Variants in CALN1 observed in about 807,000 individuals in gnomAD.
CALN1 encodes calneuron 1.
In CALN1, 17 loss-of-function variants were observed where a neutral mutation model predicts 30.6. The observed-to-expected ratio is 0.56, with a 90% confidence interval of 0.38 to 0.83. The LOEUF (loss-of-function observed/expected upper bound fraction) is 0.83. Ranked by LOEUF, CALN1 falls within the 40% of genes least tolerant of loss-of-function variation. CALN1 has a pLI of 0.00. For synonymous variants in CALN1, 156 were observed against 131.4 expected, an observed-to-expected ratio of 1.19 and a Z score of -1.28; for missense variants, 291 against 354.9, an observed-to-expected ratio of 0.82 and a Z score of 1.45.
intron 2 of CALN1, among the ~76,000 whole-genome samples, chr7:72,292,694 G>C (rs1798571809): frequency 6.6e-6 from 1 of 150,948 alleles, no homozygotes. Context: ...GGTGGCGCAT[G>C]CTTGTAATCC....
intron 2 of CALN1, among the ~76,000 whole-genome samples, chr7:72,356,651 T>C (rs776445900): frequency 1.3e-5 from 2 of 152,098 alleles, no homozygotes; most frequent in South Asian, 4.1e-4. Flanking sequence ...AGGCTCAAAA[T>C]ATATAAAGCA....
intron 3 of CALN1, among the ~76,000 whole-genome samples, chr7:72,262,206 C>G (rs1406085596): frequency 2.0e-5 from 3 of 152,204 alleles, no homozygotes; most frequent in Non-Finnish European, 4.4e-5. Context: ...GACACATCTA[C>G]TAACTTTAAA....
At chr7:72,424,800 T>C (rs1046027879) in intron 1 of CALN1, among the ~76,000 whole-genome samples, 2 of 152,146 alleles carry the variant, frequency 1.3e-5, no homozygotes, top group Non-Finnish European at 2.9e-5. Context: ...TTTTGCTATG[T>C]TGACCAGACT....
chr7:72,382,882 G>A (rs955558944), intron 2 of CALN1, among the ~76,000 whole-genome samples: 3 of 152,054 alleles, frequency 2.0e-5, no homozygotes, highest in Non-Finnish European at 2.9e-5. Context: ...TCCACCTCCC[G>A]GGTTCAAGCA....
chr7:72,211,318 G>A (rs1019542024), intron 3 of CALN1, among the ~76,000 whole-genome samples: 1 of 152,056 alleles, frequency 6.6e-6, no homozygotes, highest in African/African-American at 2.4e-5. Flanking sequence ...TGCTTTTGCT[G>A]TAACTCTTCC....
chr7:71,990,842 G>C (rs1798909833), intron 5 of CALN1, among the ~76,000 whole-genome samples: 1 of 152,088 alleles, frequency 6.6e-6, no homozygotes, highest in Non-Finnish European at 1.5e-5. Flanking sequence ...ATTCTTTCTT[G>C]TGCGAGGTCC....
chr7:72,103,277 C>G (rs1477087106), intron 4 of CALN1: 1 of 176,684 alleles, frequency 5.7e-6, no homozygotes, highest in African/African-American at 2.4e-5. Flanking sequence ...CTGGAAGACA[C>G]CATCAATGAG....
chr7:72,174,268 T>A (rs1019398799), intron 3 of CALN1, among the ~76,000 whole-genome samples: 9 of 152,154 alleles, frequency 5.9e-5, no homozygotes, highest in Non-Finnish European at 7.4e-5. Flanking sequence ...ACTGGAACTC[T>A]CATACACCAA....
At chr7:72,491,151 G>A in the CALN1 span, among the ~76,000 whole-genome samples, 1 of 152,040 alleles carries the variant, frequency 6.6e-6, no homozygotes, top group Admixed American at 6.6e-5. Flanking sequence ...GGCTGAGGCA[G>A]GAGAATGGCG....
At chr7:71,914,916 A>G (rs1794609925) in intron 5 of CALN1, among the ~76,000 whole-genome samples, 2 of 152,190 alleles carry the variant, frequency 1.3e-5, no homozygotes, top group Non-Finnish European at 2.9e-5. Flanking sequence ...TCTAATATCC[A>G]GTATATATAA....
chr7:72,414,631 G>C (rs1807366006), upstream of CALN1, among the ~76,000 whole-genome samples: 1 of 152,238 alleles, frequency 6.6e-6, no homozygotes, highest in African/African-American at 2.4e-5. Flanking sequence ...AGGATGTCCT[G>C]AATTTGCCAT....
intron 4 of CALN1, among the ~76,000 whole-genome samples, chr7:72,076,630 A>G (rs1804756331): frequency 7.0e-6 from 1 of 142,274 alleles, no homozygotes; most frequent in Non-Finnish European, 1.5e-5. Context: ...AAAAAAAAAA[A>G]AAAAAAAAAA....
intron 2 of CALN1, among the ~76,000 whole-genome samples, chr7:72,401,079 G>A (rs570312568): frequency 6.2e-4 from 95 of 152,252 alleles, no homozygotes; most frequent in African/African-American, 2.2e-3. Context: ...TTTTGCTAAG[G>A]TGTCAACATG....
At position 72,170,365 on chromosome 7, in the gene CALN1, G is replaced by A. The variant is rs1421957850; in HGVS notation, c.245-64071C>T. 2.0e-5 allele frequency among the ~76,000 whole-genome samples: 3 copies of A among 152,248 alleles called. No homozygotes were observed. In the East Asian group the frequency reaches 5.8e-4, roughly 29 times the overall value. On this transcript the variant is annotated intron_variant, in intron 3 of 6. Coordinates refer to ENST00000395275, the MANE Select transcript of CALN1 (RefSeq NM_031468.4). ...AATAACTCTGATGCTACTTTAGAAA[G>A]CATTTCCTATTCATTTTTAGCAATC...
the CALN1 span, among the ~76,000 whole-genome samples, chr7:72,453,020 C>CA: frequency 1.3e-3 from 199 of 152,334 alleles, 2 homozygotes; most frequent in African/African-American, 4.5e-3. Flanking sequence ...CTCAAGCCTC[C>CA]AGCAAGCTTT....
intron 5 of CALN1, among the ~76,000 whole-genome samples, chr7:71,906,437 T>C (rs1026491237): frequency 1.2e-4 from 19 of 152,066 alleles, no homozygotes; most frequent in African/African-American, 4.6e-4. Context: ...AGAAATATAG[T>C]AGTCACTAGA....
intron 4 of CALN1, among the ~76,000 whole-genome samples, chr7:72,029,083 CTAAG>C (rs925209603): frequency 2.0e-5 from 3 of 152,138 alleles, no homozygotes; most frequent in African/African-American, 4.8e-5. Flanking sequence ...TGATAATTCC[CTAAG>C]TAATAGAGTT....
At chr7:71,871,104 A>G (rs1295161422) in intron 5 of CALN1, among the ~76,000 whole-genome samples, 1 of 152,218 alleles carries the variant, frequency 6.6e-6, no homozygotes, top group Non-Finnish European at 1.5e-5. Context: ...GAGATTCTCA[A>G]TCTACTTAAG....
intron 5 of CALN1, among the ~76,000 whole-genome samples, chr7:71,837,243 CA>C (rs55977265): frequency 0.13 from 10,307 of 78,942 alleles, 316 homozygotes; most frequent in Middle Eastern, 0.19. Context: ...AAAAAAAAGA[CA>C]AAAAAAAAAA....
Sources: gnomAD v4.1 joint callset for allele counts (sites outside exome capture counted in the v4.1 genomes callset) on GRCh38, gnomAD v4.1.1 for gene constraint, MANE v1.5 for transcripts, NCBI Gene and HGNC (gene_info 2026-07-23, HGNC 2026-07-21) for gene names.